Variants in BBS9 observed in about 807,000 individuals in gnomAD.
BBS9 encodes the protein protein PTHB1.
In BBS9, 89 loss-of-function variants were observed where a neutral mutation model predicts 117.7. That is an observed-to-expected ratio of 0.76 (90% CI 0.64 to 0.90). The LOEUF is 0.90. BBS9 is among the 40% of genes least tolerant of loss of function. The probability of loss-of-function intolerance (pLI) is 0.00; values close to 1 mark genes in which losing one functional copy is unlikely to be tolerated. For synonymous variants in BBS9, 379 were observed against 370.9 expected (o/e 1.02, Z -0.25); for missense variants, 982 against 1,042.2 (o/e 0.94, Z 0.80).
chr7:33,269,078 C>G (rs1799312900), intron 7 of BBS9, among the ~76,000 whole-genome samples: 1 of 152,194 alleles, frequency 6.6e-6, no homozygotes, highest in Non-Finnish European at 1.5e-5. Context: ...TAGGCTGTCT[C>G]CCTTCTACAG....
chr7:33,631,198 CAG>C (rs1865876516), intron 21 of BBS9, among the ~76,000 whole-genome samples: 1 of 152,174 alleles, frequency 6.6e-6, no homozygotes, highest in South Asian at 2.1e-4. Flanking sequence ...GTCTGGTCCA[CAG>C]AGAGGAGAGA....
intron 6 of BBS9, among the ~76,000 whole-genome samples, chr7:33,260,062 C>T (rs1312448587): frequency 3.3e-5 from 5 of 150,306 alleles, no homozygotes; most frequent in African/African-American, 7.3e-5. Context: ...TGCAGTGGCG[C>T]GATTTTGGCT....
intron 19 of BBS9, among the ~76,000 whole-genome samples, chr7:33,412,924 C>T (rs1021395464): frequency 1.3e-5 from 2 of 152,152 alleles, no homozygotes; most frequent in African/African-American, 4.8e-5. Flanking sequence ...GCCTTTTATT[C>T]TTAAAATAAA....
chr7:33,223,964 G>C (rs191372536), intron 5 of BBS9, among the ~76,000 whole-genome samples: 2 of 152,306 alleles, frequency 1.3e-5, no homozygotes, highest in African/African-American at 4.8e-5. Context: ...AAAGTTGACT[G>C]AGTATATTTA....
chr7:33,598,409 G>A (rs193041055), intron 21 of BBS9, among the ~76,000 whole-genome samples: 7 of 152,232 alleles, frequency 4.6e-5, no homozygotes, highest in South Asian at 4.2e-4. Context: ...CAAAGGAGAC[G>A]TGACAATGAA....
At chr7:33,630,866 A>G (rs1865861659) in intron 21 of BBS9, among the ~76,000 whole-genome samples, 1 of 152,158 alleles carries the variant, frequency 6.6e-6, no homozygotes, top group Non-Finnish European at 1.5e-5. Context: ...TTTATTGTCT[A>G]CTATGTGCCA....
At chr7:33,567,413 T>C (rs1006863419) in intron 21 of BBS9, among the ~76,000 whole-genome samples, 3 of 152,188 alleles carry the variant, frequency 2.0e-5, no homozygotes, top group Admixed American at 2.0e-4. Flanking sequence ...TCTTAACTTT[T>C]GAGCAGTATT....
At chr7:33,159,475 A>G (rs1794533240) in intron 4 of BBS9, among the ~76,000 whole-genome samples, 1 of 152,188 alleles carries the variant, frequency 6.6e-6, no homozygotes, top group Non-Finnish European at 1.5e-5. Flanking sequence ...TGATTATGTC[A>G]CATTTAACAT....
chr7:33,274,339 G>A (rs1462565858), intron 9 of BBS9, among the ~76,000 whole-genome samples: 3 of 152,150 alleles, frequency 2.0e-5, no homozygotes, highest in African/African-American at 4.8e-5. Context: ...ATTATAATAA[G>A]TTCTCACCTT....
chr7:33,292,613 A>C (rs1201858132), intron 9 of BBS9, among the ~76,000 whole-genome samples: 1 of 152,178 alleles, frequency 6.6e-6, no homozygotes, highest in Non-Finnish European at 1.5e-5. Flanking sequence ...AGAGTCTTAG[A>C]TCCATATATA....
At chr7:33,171,553 T>C (rs1796576177) in intron 4 of BBS9, among the ~76,000 whole-genome samples, 1 of 152,232 alleles carries the variant, frequency 6.6e-6, no homozygotes, top group Admixed American at 6.5e-5. Context: ...AATTTCGAAC[T>C]AATTTTATAT....
At chr7:33,560,387 C>T (rs1022611664) in intron 21 of BBS9, among the ~76,000 whole-genome samples, 1 of 152,162 alleles carries the variant, frequency 6.6e-6, no homozygotes, top group Non-Finnish European at 1.5e-5. Context: ...TAAATGAAGA[C>T]ATTTTTTCCA....
intron 19 of BBS9, among the ~76,000 whole-genome samples, chr7:33,500,605 A>T (rs1845314386): frequency 6.6e-6 from 1 of 152,234 alleles, no homozygotes; most frequent in Non-Finnish European, 1.5e-5. Flanking sequence ...GCCCACAGTC[A>T]GTCCTCAGGA....
At chr7:33,169,277 G>A (rs995449483) in intron 4 of BBS9, among the ~76,000 whole-genome samples, 3 of 150,640 alleles carry the variant, frequency 2.0e-5, no homozygotes, top group Admixed American at 6.6e-5. Context: ...ACATACGTGT[G>A]CATGTGTCTT....
At chr7:33,345,783 T>C (rs1038510015) in intron 12 of BBS9, among the ~76,000 whole-genome samples, 3 of 152,206 alleles carry the variant, frequency 2.0e-5, no homozygotes, top group South Asian at 2.1e-4. Context: ...TTTAAATCTA[T>C]CTACTGATAA....
At chr7:33,142,074 T>C (rs1791561738) in intron 1 of BBS9, among the ~76,000 whole-genome samples, 1 of 152,140 alleles carries the variant, frequency 6.6e-6, no homozygotes, top group Non-Finnish European at 1.5e-5. Context: ...TAACTGGGAC[T>C]ACCCGCCCGG....
At chr7:33,528,633 A>T (rs1407596454) in intron 20 of BBS9, among the ~76,000 whole-genome samples, 1 of 152,354 alleles carries the variant, frequency 6.6e-6, no homozygotes, top group East Asian at 1.9e-4. Flanking sequence ...TTAAGATTTC[A>T]GAGTGCCGTA....
At chr7:33,275,302 A>G (rs1554392271) in intron 9 of BBS9, among the ~76,000 whole-genome samples, 1 of 152,234 alleles carries the variant, frequency 6.6e-6, no homozygotes, top group Non-Finnish European at 1.5e-5. Flanking sequence ...TGTCTGAAAA[A>G]TAATTTAAAA....
intron 21 of BBS9, among the ~76,000 whole-genome samples, chr7:33,543,824 G>A (rs547664188): frequency 1.3e-5 from 2 of 152,196 alleles, no homozygotes; most frequent in East Asian, 3.9e-4. Flanking sequence ...TCTTCCTCGG[G>A]TATACCGATT....
Sources: allele counts gnomAD v4.1 joint callset (sites outside exome capture counted in the v4.1 genomes callset), GRCh38; gene constraint gnomAD v4.1.1; transcripts MANE v1.5; gene names NCBI Gene and HGNC (gene_info 2026-07-23, HGNC 2026-07-21).